PALD1: variants seen among roughly 807,000 people sequenced by gnomAD.
PALD1 encodes the protein phosphatase domain containing paladin 1.
Under a neutral mutation model 96.0 loss-of-function variants are expected in PALD1, and 57 were observed. The observed-to-expected ratio is 0.59, with a 90% CI of 0.48 to 0.74. The LOEUF (loss-of-function observed/expected upper bound fraction) is 0.74, where lower values mean the gene tolerates loss of function less well. Among genes scored for constraint, PALD1 ranks in the 30% least tolerant of loss-of-function variants. The pLI is 0.00. For synonymous variants in PALD1, 464 were observed against 473.6 expected (o/e 0.98, Z 0.26); for missense variants, 1,063 against 1,143.7 (o/e 0.93, Z 1.02).
At chr10:70,525,480 C>G (rs1257860749) in intron 1 of PALD1, among the ~76,000 whole-genome samples, 1 of 151,938 alleles carries the variant, frequency 6.6e-6, no homozygotes, top group African/African-American at 2.4e-5. Context: ...AAATCCAAGT[C>G]TGACTTCCTT....
At chr10:70,537,517 G>A (rs1847139045) in intron 10 of PALD1, among the ~76,000 whole-genome samples, 1 of 152,238 alleles carries the variant, frequency 6.6e-6, no homozygotes, top group Admixed American at 6.5e-5. Context: ...GCTAAGTGAG[G>A]GAGCCCCTGC....
chr10:70,510,856 G>A (rs556166713), intron 1 of PALD1, among the ~76,000 whole-genome samples: 67 of 152,214 alleles, frequency 4.4e-4, no homozygotes, highest in Non-Finnish European at 7.8e-4. Flanking sequence ...AGCTGACTCA[G>A]GGAAAGCTGC....
In PALD1 at chr10:70,566,615, ACGAGCTGGGCTTCCC is replaced by A; in HGVS notation, c.2462_2476del (p.Gly821_Leu825del). 6.2e-7 allele frequency: 1 copy of A among 1,611,362 alleles called. No homozygotes were observed. The highest frequency in any genetic ancestry group is 8.5e-7 in the Non-Finnish European group (1 of 1,179,102). On this transcript the variant is annotated inframe_deletion, in exon 20 of 20. Coordinates refer to ENST00000263563, the MANE Select transcript of PALD1 (RefSeq NM_014431.3). ...AAGGCTGGCATCTACGAGATCCTTAACGAGCTGGGCTTCCCCGAGCTGGAGAGCGGGGAGGACCAG... is the reference window on the plus strand; with the variant it reads ...AAGGCTGGCATCTACGAGATCCTTAACGAGCTGGAGAGCGGGGAGGACCAG...
chr10:70,506,679 G>T (rs957591190), intron 1 of PALD1, among the ~76,000 whole-genome samples: 5 of 152,176 alleles, frequency 3.3e-5, no homozygotes, highest in African/African-American at 1.2e-4. Flanking sequence ...TGAGTGAAGG[G>T]CCCAGGGGAC....
At chr10:70,468,409 A>G in the PALD1 span, among the ~76,000 whole-genome samples, 9 of 151,710 alleles carry the variant, frequency 5.9e-5, 1 homozygote, top group African/African-American at 2.2e-4. Context: ...ATGCCCAGCT[A>G]ATTTTTGTAT....
intron 10 of PALD1, among the ~76,000 whole-genome samples, chr10:70,535,785 C>T (rs1359859689): frequency 6.6e-6 from 1 of 151,782 alleles, no homozygotes; most frequent in African/African-American, 2.4e-5. Context: ...ACTGCAACCT[C>T]GAACTCCTAG....
chr10:70,541,625 T>C, intron 17 of PALD1, 91 bp downstream of exon 17: 2 of 900,896 alleles, frequency 2.2e-6, no homozygotes, highest in Non-Finnish European at 3.6e-6. Flanking sequence ...TCAAAGCACG[T>C]CCCAATGCAG....
the PALD1 span, among the ~76,000 whole-genome samples, chr10:70,461,414 T>C: frequency 1.2e-4 from 18 of 152,232 alleles, no homozygotes; most frequent in South Asian, 4.1e-4. Context: ...CCCCACCAGA[T>C]GGCAAGCTCC....
In PALD1 at chr10:70,537,796, T is replaced by C. The variant is rs777231848; in HGVS notation, c.1228-15T>C. 1 of 1,590,804 alleles carries C rather than the reference T, an allele frequency of 6.3e-7. No homozygotes were observed. The highest frequency in any genetic ancestry group is 2.2e-5 in the East Asian group (1 of 44,764). On this transcript the variant is annotated splice_polypyrimidine_tract_variant and intron_variant, in intron 10 of 19. Transcript: ENST00000263563. ...CCTGAGGAGTCTGTCCTTAACACCC[T>C]GTCCTCTCTCTCAGGGAAGCGGCAG...
At chr10:70,532,595 C>A in intron 5 of PALD1, 26 bp from the exon 6 acceptor site, 1 of 1,609,280 alleles carries the variant, frequency 6.2e-7, no homozygotes, top group Non-Finnish European at 8.5e-7. Flanking sequence ...AGGCCATGGC[C>A]CTCTGACCCC....
Position 70,566,879 on chromosome 10 carries a change from CT to C in PALD1, c.*151del, listed in dbSNP as rs1847867574. The C allele has an allele frequency of 8.4e-6, 5 of 598,232 alleles. No individual in the cohort carries two copies. The East Asian group carries it at 1.4e-4, about 17-fold the overall frequency. The allele number at this position is 598,232 out of a possible 1,614,324, so 37.1% of individuals were successfully genotyped here. On this transcript the variant is annotated 3_prime_UTR_variant, in exon 20 of 20. Transcript: ENST00000263563. ...GGAGAGACTGAGCGGAGTTGGGAGCCTTTTTAGAAAGAACTTTTTATAGGAC... is the reference window on the plus strand; with the variant it reads ...GGAGAGACTGAGCGGAGTTGGGAGCCTTTTAGAAAGAACTTTTTATAGGAC...
chr10:70,503,759 T>A (rs1465009910), intron 1 of PALD1, among the ~76,000 whole-genome samples: 1 of 152,268 alleles, frequency 6.6e-6, no homozygotes, highest in East Asian at 1.9e-4. Flanking sequence ...TTATTTTTTA[T>A]GCAGTCTGAT....
At chr10:70,466,232 G>A in the PALD1 span, among the ~76,000 whole-genome samples, 7 of 152,090 alleles carry the variant, frequency 4.6e-5, no homozygotes, top group South Asian at 2.1e-4. Context: ...ATAACATGAA[G>A]TTTGCCATTT....
chr10:70,539,254 C>A lies in PALD1; in HGVS notation c.1725+7C>A, dbSNP rs1382335547. ...GGCTCCTGACCAGCTGGAGGTGAGG[C>A]CCCCTGCCCTCTAGGCACCCCTGCC... On this transcript the variant is annotated splice_region_variant and intron_variant, in intron 14 of 19. Transcript: ENST00000263563. The surrounding 1 kb of genome is among the most constrained non-coding windows in gnomAD (Gnocchi z 4.5). 1 of 1,603,002 alleles carries A rather than the reference C, an allele frequency of 6.2e-7. No homozygotes were observed. The highest frequency in any genetic ancestry group is 1.3e-5 in the African/African-American group (1 of 74,788).
upstream of PALD1, among the ~76,000 whole-genome samples, chr10:70,474,608 T>G (rs957926813): frequency 6.6e-6 from 1 of 152,194 alleles, no homozygotes; most frequent in African/African-American, 2.4e-5. Context: ...TAAGCATTTT[T>G]TTGTGAATAA....
intron 1 of PALD1, among the ~76,000 whole-genome samples, chr10:70,498,393 T>C (rs1448173039): frequency 6.6e-6 from 1 of 152,082 alleles, no homozygotes; most frequent in Non-Finnish European, 1.5e-5. Context: ...AATCCTCCTG[T>C]TTCAGCCTCC....
At chr10:70,489,772 C>G (rs537441170) in intron 1 of PALD1, among the ~76,000 whole-genome samples, 1 of 152,326 alleles carries the variant, frequency 6.6e-6, no homozygotes, top group East Asian at 1.9e-4. Flanking sequence ...ACAACATTTT[C>G]ATCAACCTCA....
intron 1 of PALD1, among the ~76,000 whole-genome samples, chr10:70,502,682 A>G (rs1039246506): frequency 6.6e-6 from 1 of 152,200 alleles, no homozygotes; most frequent in Non-Finnish European, 1.5e-5. Flanking sequence ...CAAATACTAC[A>G]TGGTTCCATT....
intron 17 of PALD1, among the ~76,000 whole-genome samples, chr10:70,544,858 A>T (rs1847328782): frequency 6.6e-6 from 1 of 152,116 alleles, no homozygotes; most frequent in Non-Finnish European, 1.5e-5. Context: ...TTCCTTCCAG[A>T]CTGTTCCTTT....
Sources: gnomAD v4.1 joint callset for allele counts (sites outside exome capture counted in the v4.1 genomes callset) on GRCh38, gnomAD v4.1.1 for gene constraint, Gnocchi (gnomAD v3.1) non-coding constraint, MANE v1.5 for transcripts, NCBI Gene and HGNC (gene_info 2026-07-23, HGNC 2026-07-21) for gene names.